The following RADIL variants were observed in gnomAD, a reference collection of about 807,000 sequenced individuals.
RADIL encodes Rap associating with DIL domain.
In RADIL, 99 loss-of-function variants were observed where a neutral mutation model predicts 97.6. The observed-to-expected ratio is 1.01, with a 90% CI of 0.86 to 1.20. The LOEUF is 1.20. Ranked by LOEUF, RADIL falls within the 50% of genes most tolerant of loss-of-function variation. RADIL has a pLI of 0.00. For missense variants in RADIL, 1,765 were observed against 1,498.9 expected, an observed-to-expected ratio of 1.18 and a Z score of -2.93; for synonymous variants, 803 against 691.8, an observed-to-expected ratio of 1.16 and a Z score of -2.52.
Position 4,813,175 on chromosome 7 carries a change from G to C in RADIL, c.2139+2103C>G, listed in dbSNP as rs899447510. Among the ~76,000 whole-genome samples, 1 of 151,670 alleles carries C rather than the reference G, an allele frequency of 6.6e-6. No homozygotes were observed. Among genetic ancestry groups the C allele is most frequent in the African/African-American group, 2.4e-5 (1 of 41,230 alleles). ...GTTGCCCAGGCTGGAGTGCAGTGGT[G>C]TGATCATGGCTCACTGAAGCGTTTA... On this transcript the variant is annotated intron_variant, in intron 9 of 14. Coordinates refer to ENST00000399583, the MANE Select transcript of RADIL (RefSeq NM_018059.5). The surrounding 1 kb of genome is among the most constrained non-coding windows in gnomAD (Gnocchi z 5.0).
chr7:4,855,216 G>T (rs544437054), intron 2 of RADIL, among the ~76,000 whole-genome samples: 6 of 152,120 alleles, frequency 3.9e-5, no homozygotes, highest in Non-Finnish European at 1.5e-5. Context: ...ACTACAAAAC[G>T]TTGACATAAA....
At chr7:4,861,794 A>G (rs2115034548) in intron 2 of RADIL, 1 of 1,439,874 alleles carries the variant, frequency 6.9e-7, no homozygotes, top group East Asian at 2.5e-5. Context: ...CTGGGTTGTC[A>G]CCGGAAACGG....
At chr7:4,869,343 G>A (rs1784202000) in intron 2 of RADIL, among the ~76,000 whole-genome samples, 1 of 152,024 alleles carries the variant, frequency 6.6e-6, no homozygotes, top group Non-Finnish European at 1.5e-5. Flanking sequence ...TATGTTGCTC[G>A]GGCTGGGCTC....
rs563750158 is a variant in RADIL at position 4,800,280 on chromosome 7, G to A, written c.2873C>T (p.Pro958Leu). Reference protein sequence around the residue: ...GDSAALAEESPPAPSSRSSST... With the variant: ...GDSAALAEESLPAPSSRSSST... ...GGAGCTGCGGCTGGACGGGGCTGGA[G>A]GGGACTCCTCCGCAAGGGCTGCAGA... Residue 958 changes from proline to leucine, a missense_variant, in exon 13 of 15, where the codon CCT becomes CTT. Pro to Leu is a moderately conservative substitution (Grantham distance 98). Coordinates refer to ENST00000399583, the MANE Select transcript of RADIL (RefSeq NM_018059.5). 2.0e-6 allele frequency: 3 copies of A among 1,519,666 alleles called. No individual in the cohort carries two copies. Among genetic ancestry groups the A allele is most frequent in the African/African-American group, 2.8e-5 (2 of 71,456 alleles). The allele number at this position is 1,519,666 out of a possible 1,614,324, so 94.1% of individuals were successfully genotyped here. A position where few individuals can be genotyped will look rare whatever the true frequency, so the allele number is the denominator to read the frequency against.
In RADIL at chr7:4,805,578, C is replaced by T; in HGVS notation, c.2278G>A (p.Ala760Thr). 6.2e-7 allele frequency: 1 copy of T among 1,606,564 alleles called. No homozygotes were observed. Among genetic ancestry groups the T allele is most frequent in the Non-Finnish European group, 8.5e-7 (1 of 1,176,322 alleles). The change falls in exon 10 of 15, where the codon GCC (alanine) becomes ACC (threonine). Residue 760 changes from alanine to threonine, a missense_variant. Physicochemically the swap from Ala to Thr is moderately conservative, Grantham distance 58. Coordinates refer to ENST00000399583, the MANE Select transcript of RADIL (RefSeq NM_018059.5). ...GGGCAGGGCTTACCTGACCTGAAGG[C>T]CTCGGGGCTGTCCTGGGCCCCTGGC... ...WEPGAQDSPE[A>T]FRSEDVLESY...
chr7:4,859,647 G>A (rs763821961), intron 2 of RADIL: 16 of 471,744 alleles, frequency 3.4e-5, no homozygotes, highest in Non-Finnish European at 5.7e-5. Flanking sequence ...TATTGTTCAT[G>A]GACCCTTGAG....
intron 11 of RADIL, 67 bp downstream of exon 11, chr7:4,803,479 A>C: frequency 7.4e-7 from 1 of 1,357,892 alleles, no homozygotes; most frequent in East Asian, 2.6e-5. Flanking sequence ...ACCTCGGGGC[A>C]CGCTGGCTGG....
intron 5 of RADIL, among the ~76,000 whole-genome samples, chr7:4,827,502 A>T (rs550297508): frequency 6.6e-6 from 1 of 151,642 alleles, no homozygotes; most frequent in African/African-American, 2.4e-5. Flanking sequence ...TCTACTAAAA[A>T]TACAAAAAAT....
intron 10 of RADIL, chr7:4,805,162 T>C (rs1030156829): frequency 2.0e-5 from 4 of 200,124 alleles, no homozygotes; most frequent in Non-Finnish European, 3.0e-5. Flanking sequence ...CACAGACCCC[T>C]CCGTATGGAC....
rs1781977832 is a variant in RADIL, at chr7:4,798,397, C to G, written c.*981G>C. On this transcript the variant is annotated 3_prime_UTR_variant, in exon 15 of 15. Coordinates refer to ENST00000399583, the MANE Select transcript of RADIL (RefSeq NM_018059.5). Reference sequence around the variant, plus strand: ...GTGAGAGGTGCATCTGCAACTGATGCCGGGACCCTCTTCCCCAGGGTTTCT... The same window carrying G: ...GTGAGAGGTGCATCTGCAACTGATGGCGGGACCCTCTTCCCCAGGGTTTCT... The G allele has an allele frequency of 6.6e-6, 1 of 152,220 alleles. No homozygotes were observed. Among genetic ancestry groups the G allele is most frequent in the African/African-American group, 2.4e-5 (1 of 41,446 alleles). The allele number at this position is 152,220 out of a possible 1,614,324, so 9.4% of individuals were successfully genotyped here.
intron 9 of RADIL, among the ~76,000 whole-genome samples, chr7:4,807,851 C>T (rs187354429): frequency 2.5e-5 from 1 of 40,500 alleles, no homozygotes. Flanking sequence ...TCTCTCTCTC[C>T]CCTCCCTGCC....
At position 4,840,291 on chromosome 7, in the gene RADIL, G is replaced by A. The variant is rs1031030374; in HGVS notation, c.536-3686C>T. ...TACAGCTTCGTCACCTGAGTCACCT[G>A]AGCGTCTCAGCTCTGTGCAGACCCA... is the stretch of plus-strand genomic sequence containing the variant. On this transcript the variant is annotated intron_variant, in intron 2 of 14. Transcript: ENST00000399583. This position sits in a 1 kb window ranked among gnomAD's most constrained non-coding sequence, Gnocchi z 5.6. 6.6e-6 allele frequency among the ~76,000 whole-genome samples: 1 copy of A among 152,156 alleles called. No homozygotes were observed. Among genetic ancestry groups the A allele is most frequent in the Admixed American group, 6.5e-5 (1 of 15,276 alleles).
chr7:4,856,754 T>C (rs1783842462), intron 2 of RADIL, among the ~76,000 whole-genome samples: 2 of 152,256 alleles, frequency 1.3e-5, no homozygotes, highest in Non-Finnish European at 2.9e-5. Flanking sequence ...CAATGCTTAT[T>C]TGAGAATAAC....
chr7:4,824,276 T>C lies in RADIL; in HGVS notation c.1455-1722A>G, dbSNP rs1001194633. Among the ~76,000 whole-genome samples the C allele has an allele frequency of 4.6e-5, 7 of 152,354 alleles. No individual in the cohort carries two copies. Among genetic ancestry groups the C allele is most frequent in the African/African-American group, 1.7e-4 (7 of 41,592 alleles). Reference sequence around the variant, plus strand: ...CAGGGCATGGTGCCAGCCCAGTGCCTGACCCCAGTCCCGGGGCAGAGCCAG... The same window carrying C: ...CAGGGCATGGTGCCAGCCCAGTGCCCGACCCCAGTCCCGGGGCAGAGCCAG... On this transcript the variant is annotated intron_variant, in intron 5 of 14. Transcript: ENST00000399583. The surrounding 1 kb of genome is among the most constrained non-coding windows in gnomAD (Gnocchi z 6.7).
chr7:4,860,781 GTTTA>G (rs1421255408), intron 2 of RADIL: 1 of 1,614,194 alleles, frequency 6.2e-7, no homozygotes, highest in Admixed American at 1.7e-5. Flanking sequence ...GCAAGCCCCT[GTTTA>G]AACTCCTCAA....
rs539877153 is a variant in RADIL, at chr7:4,819,695, C to A, written c.1616-2344G>T. On this transcript the variant is annotated intron_variant, in intron 6 of 14. Transcript: ENST00000399583. This position sits in a 1 kb window ranked among gnomAD's most constrained non-coding sequence, Gnocchi z 5.8. ...CTCGGGACGCGACAGCCCTGCTCTCCGAATTCTTCCCACAGACATTTCCTG... is the reference window on the plus strand; with the variant it reads ...CTCGGGACGCGACAGCCCTGCTCTCAGAATTCTTCCCACAGACATTTCCTG... Among the ~76,000 whole-genome samples, 1 of 152,204 alleles carries A rather than the reference C, an allele frequency of 6.6e-6. No individual in the cohort carries two copies. Among genetic ancestry groups the A allele is most frequent in the Non-Finnish European group, 1.5e-5 (1 of 68,034 alleles).
chr7:4,816,490 C>A, intron 7 of RADIL, 25 bp from the exon 8 acceptor site: 2 of 1,578,000 alleles, frequency 1.3e-6, no homozygotes, highest in Middle Eastern at 2.1e-4. Context: ...AGGAGAACAG[C>A]AACCAGCATT....
intron 10 of RADIL, among the ~76,000 whole-genome samples, chr7:4,804,535 C>T (rs1782229512): frequency 6.6e-6 from 1 of 152,222 alleles, no homozygotes; most frequent in African/African-American, 2.4e-5. Flanking sequence ...GCCTGTAATC[C>T]CAGCACTTTG....
intron 2 of RADIL, among the ~76,000 whole-genome samples, chr7:4,855,460 G>C (rs2115025712): frequency 6.6e-6 from 1 of 152,106 alleles, no homozygotes; most frequent in South Asian, 2.1e-4. Flanking sequence ...AGACTAATTG[G>C]AACGCAGAGT....
Sources: allele counts gnomAD v4.1 joint callset (sites outside exome capture counted in the v4.1 genomes callset), GRCh38; gene constraint gnomAD v4.1.1; non-coding constraint Gnocchi (gnomAD v3.1); transcripts MANE v1.5; gene names NCBI Gene and HGNC (gene_info 2026-07-23, HGNC 2026-07-21).